Variants in AFTPH observed in about 807,000 individuals in gnomAD.
AFTPH encodes the protein aftiphilin.
In AFTPH, 7 loss-of-function variants were observed where a neutral mutation model predicts 72.5. That is an observed-to-expected ratio of 0.10 (90% CI 0.05 to 0.18). The LOEUF (loss-of-function observed/expected upper bound fraction) is 0.18, where lower values mean the gene tolerates loss of function less well. AFTPH is among the 10% of genes least tolerant of loss of function. AFTPH has a pLI of 1.00. For synonymous variants in AFTPH, 337 were observed against 370.1 expected, an observed-to-expected ratio of 0.91 and a Z score of 1.03; for missense variants, 979 against 1,060.5, an observed-to-expected ratio of 0.92 and a Z score of 1.07.
exon 1 of AFTPH, chr2:64,524,558 A>T (rs1021538552): frequency 2.5e-6 from 1 of 398,960 alleles, no homozygotes; most frequent in African/African-American, 2.1e-5. Context: ...CCGGGGAGTC[A>T]GTTCCTCCCC....
intron 1 of AFTPH, among the ~76,000 whole-genome samples, chr2:64,550,773 A>G (rs1369346209): frequency 6.6e-6 from 1 of 150,982 alleles, no homozygotes; most frequent in Non-Finnish European, 1.5e-5. Context: ...AGTTAATAGT[A>G]TTGTACTGAT....
At chr2:64,567,872 C>A (rs1450223324) in intron 3 of AFTPH, among the ~76,000 whole-genome samples, 159 bp downstream of exon 3, 2 of 149,540 alleles carry the variant, frequency 1.3e-5, no homozygotes, top group Non-Finnish European at 3.0e-5. Flanking sequence ...GAAACCCTGT[C>A]TCTACTAAAA....
intron 5 of AFTPH, among the ~76,000 whole-genome samples, chr2:64,570,718 G>T (rs74370461): frequency 1.4e-3 from 218 of 152,264 alleles, no homozygotes; most frequent in African/African-American, 4.8e-3. Context: ...GGAACTAGGA[G>T]TTTAATTTGT....
chr2:64,568,322 T>C (rs1287111968), intron 3 of AFTPH, among the ~76,000 whole-genome samples: 1 of 152,184 alleles, frequency 6.6e-6, no homozygotes, highest in East Asian at 1.9e-4. Context: ...GTTTTCTTTA[T>C]AGTACAACTT....
chr2:64,550,677 GCA>G (rs56139158), intron 1 of AFTPH, among the ~76,000 whole-genome samples: 9,070 of 129,702 alleles, frequency 0.07, 289 homozygotes, highest in East Asian at 0.11. Context: ...CTGTACGCAT[GCA>G]CACACACACA....
intron 1 of AFTPH, among the ~76,000 whole-genome samples, chr2:64,531,061 CAAA>C (rs370897333): frequency 2.8e-5 from 2 of 71,494 alleles, no homozygotes; most frequent in Non-Finnish European, 5.9e-5. Context: ...GACTTCATCT[CAAA>C]AAAAAAAAAA....
intron 3 of AFTPH, 130 bp from the exon 4 acceptor site, chr2:64,568,962 T>C (rs924914168): frequency 4.1e-6 from 4 of 984,506 alleles, no homozygotes; most frequent in Non-Finnish European, 6.4e-6. Context: ...TTCATTCAAA[T>C]AGTTATACAC....
At chr2:64,538,559 A>G (rs966178451) in intron 1 of AFTPH, among the ~76,000 whole-genome samples, 1 of 152,222 alleles carries the variant, frequency 6.6e-6, no homozygotes, top group Non-Finnish European at 1.5e-5. Context: ...CATGTGTGCT[A>G]TTATCTGTGG....
intron 2 of AFTPH, among the ~76,000 whole-genome samples, chr2:64,556,068 G>A (rs113616244): frequency 0.023 from 3,489 of 149,484 alleles, 134 homozygotes; most frequent in East Asian, 0.13. Flanking sequence ...GCTCACTGCA[G>A]CCTCCGCCTC....
At chr2:64,547,505 T>C (rs1271918372) in intron 1 of AFTPH, among the ~76,000 whole-genome samples, 1 of 152,248 alleles carries the variant, frequency 6.6e-6, no homozygotes, top group Admixed American at 6.5e-5. Flanking sequence ...GGCTTCACAC[T>C]GTAAACTTAT....
chr2:64,568,256 T>G (rs931585666), intron 3 of AFTPH, among the ~76,000 whole-genome samples: 2 of 152,104 alleles, frequency 1.3e-5, no homozygotes, highest in Non-Finnish European at 1.5e-5. Flanking sequence ...TTGGTTAATT[T>G]CTTATTTGGC....
chr2:64,536,803 A>G (rs1398405610), intron 1 of AFTPH, among the ~76,000 whole-genome samples: 1 of 151,778 alleles, frequency 6.6e-6, no homozygotes, highest in Non-Finnish European at 1.5e-5. Flanking sequence ...AAATTTAAAA[A>G]TTAGCTGGGC....
chr2:64,578,229 A>T (rs1672940562), intron 6 of AFTPH, among the ~76,000 whole-genome samples: 1 of 152,204 alleles, frequency 6.6e-6, no homozygotes, highest in Non-Finnish European at 1.5e-5. Context: ...CTTTTCTATA[A>T]AAAACAGCAA....
intron 1 of AFTPH, among the ~76,000 whole-genome samples, chr2:64,548,413 A>G (rs1670797805): frequency 6.8e-6 from 1 of 147,490 alleles, no homozygotes; most frequent in Admixed American, 6.7e-5. Context: ...AAAAGAAAAA[A>G]AAAAAAAAAA....
chr2:64,540,475 C>T (rs942724528), intron 1 of AFTPH, among the ~76,000 whole-genome samples: 1 of 152,004 alleles, frequency 6.6e-6, no homozygotes, highest in African/African-American at 2.4e-5. Flanking sequence ...TATCCAAATG[C>T]AAATAAAATA....
chr2:64,553,069 A>G (rs765970749), exon 2 of AFTPH: 3 of 1,614,214 alleles, frequency 1.9e-6, no homozygotes, highest in South Asian at 1.1e-5. Context: ...AAAAATGGGC[A>G]AGAAGGTGAG....
chr2:64,565,203 C>T (rs567978828), intron 2 of AFTPH, among the ~76,000 whole-genome samples: 6 of 151,856 alleles, frequency 4.0e-5, no homozygotes, highest in Non-Finnish European at 5.9e-5. Context: ...TTGGGCTGGG[C>T]GCAGTGGCTC....
At chr2:64,562,287 T>A (rs1269156498) in intron 2 of AFTPH, among the ~76,000 whole-genome samples, 1 of 152,040 alleles carries the variant, frequency 6.6e-6, no homozygotes. Context: ...AAGATATACT[T>A]TTATAAGTAG....
At chr2:64,547,441 A>G (rs1670720656) in intron 1 of AFTPH, among the ~76,000 whole-genome samples, 1 of 152,164 alleles carries the variant, frequency 6.6e-6, no homozygotes, top group Non-Finnish European at 1.5e-5. Context: ...GCATGATTTC[A>G]GTGTTCCCAT....
Sources: allele counts gnomAD v4.1 joint callset (sites outside exome capture counted in the v4.1 genomes callset), GRCh38; gene constraint gnomAD v4.1.1; transcripts MANE v1.5; gene names NCBI Gene and HGNC (gene_info 2026-07-23, HGNC 2026-07-21).